KLHL1: variants seen among roughly 807,000 people sequenced by gnomAD.
KLHL1 encodes kelch-like protein 1.
A neutral mutation model predicts 77.7 loss-of-function variants in KLHL1; 47 were observed. That is an observed-to-expected ratio of 0.60 (90% CI 0.48 to 0.77). KLHL1 has a LOEUF of 0.77. Ranked by LOEUF, KLHL1 falls within the 30% of genes least tolerant of loss-of-function variation. The probability of loss-of-function intolerance (pLI) is 0.00; values close to 1 mark genes in which losing one functional copy is unlikely to be tolerated. For missense variants in KLHL1, 925 were observed against 910.8 expected (o/e 1.02, Z -0.20); for synonymous variants, 360 against 325.2 (o/e 1.11, Z -1.15).
intron 6 of KLHL1, among the ~76,000 whole-genome samples, chr13:69,837,612 CTCT>C (rs1879055998): frequency 7.1e-6 from 1 of 139,924 alleles, no homozygotes; most frequent in African/African-American, 2.8e-5. Flanking sequence ...ACATCTCTCT[CTCT>C]ATATATATGT....
chr13:70,036,257 C>A (rs1220469104), intron 1 of KLHL1, among the ~76,000 whole-genome samples: 1 of 151,750 alleles, frequency 6.6e-6, no homozygotes, highest in African/African-American at 2.4e-5. Flanking sequence ...TTATTATTCC[C>A]TCCCACTTTT....
At chr13:69,819,417 A>T (rs1404552701) in intron 6 of KLHL1, among the ~76,000 whole-genome samples, 1 of 152,186 alleles carries the variant, frequency 6.6e-6, no homozygotes, top group Admixed American at 6.5e-5. Flanking sequence ...CTTTTATTTT[A>T]TACTTAAGAA....
intron 6 of KLHL1, among the ~76,000 whole-genome samples, chr13:69,823,000 A>G (rs1196149336): frequency 1.3e-5 from 2 of 152,202 alleles, no homozygotes; most frequent in Non-Finnish European, 2.9e-5. Context: ...AACTGTTAAG[A>G]CGTCAAAAGT....
intron 7 of KLHL1, among the ~76,000 whole-genome samples, chr13:69,787,228 C>G (rs910965263): frequency 3.3e-5 from 5 of 152,144 alleles, no homozygotes; most frequent in Non-Finnish European, 7.4e-5. Context: ...AAGAACAAAG[C>G]TGGAGGCATC....
rs372375859 is a variant in KLHL1 at position 70,107,456 on chromosome 13, G to C, written c.244C>G (p.Pro82Ala). 81 of 1,613,968 alleles carry C rather than the reference G, an allele frequency of 5.0e-5. No homozygotes were observed. The highest frequency in any genetic ancestry group is 6.6e-5 in the Non-Finnish European group (78 of 1,179,978). The change falls in exon 1 of 11, where the codon CCG (proline) becomes GCG (alanine). Residue 82 changes from proline to alanine, a missense_variant. Transcript: ENST00000377844. ...PSSSSSSSSSPSSSSSSFNPL... is the reference protein window; with the variant it reads ...PSSSSSSSSSASSSSSSFNPL... ...TTGAAGGAAGAGGAGGAAGAGGACG[G>C]GGAGGACGATGAAGAGGAAGAGGAG...
chr13:69,782,219 C>T (rs1362889130), intron 7 of KLHL1, among the ~76,000 whole-genome samples: 1 of 152,220 alleles, frequency 6.6e-6, no homozygotes, highest in African/African-American at 2.4e-5. Flanking sequence ...CTCCGGTCTA[C>T]AGCTCCCAGC....
chr13:70,020,649 A>C (rs1326520822), intron 1 of KLHL1, among the ~76,000 whole-genome samples: 1 of 152,086 alleles, frequency 6.6e-6, no homozygotes, highest in Non-Finnish European at 1.5e-5. Flanking sequence ...CCCAGGGCAC[A>C]GATAACCCAG....
In KLHL1 at chr13:69,723,930, C is replaced by T. The variant is rs577494908; in HGVS notation, c.1803-4349G>A. 2.6e-4 allele frequency among the ~76,000 whole-genome samples: 39 copies of T among 151,460 alleles called. No homozygotes were observed. In the East Asian group the frequency reaches 3.5e-3, roughly 14 times the overall value. The stretch of plus-strand genomic sequence containing the variant: ...TTGGCTCACTACAACCTCTGCCTCC[C>T]GGGTTCAAGTGATTCTCCTGCCTCA... On this transcript the variant is annotated intron_variant, in intron 8 of 10. Transcript: ENST00000377844.
intron 4 of KLHL1, among the ~76,000 whole-genome samples, chr13:69,915,558 G>A (rs1400601751): frequency 6.6e-6 from 1 of 152,128 alleles, no homozygotes; most frequent in Non-Finnish European, 1.5e-5. Flanking sequence ...AGCTGAAACT[G>A]GATCCCTTCC....
intron 1 of KLHL1, among the ~76,000 whole-genome samples, chr13:70,028,891 C>A (rs2325266): frequency 0.23 from 35,066 of 151,292 alleles, 4,457 homozygotes; most frequent in African/African-American, 0.34. Context: ...GTGGGAGGAT[C>A]GCTTGAACCT....
chr13:70,018,870 G>A (rs1012926667), intron 1 of KLHL1, among the ~76,000 whole-genome samples: 1 of 152,126 alleles, frequency 6.6e-6, no homozygotes, highest in Admixed American at 6.5e-5. Context: ...GAAATGAAAC[G>A]TTATTGAAGC....
At chr13:69,884,934 C>CTTTT (rs377362177) in intron 4 of KLHL1, among the ~76,000 whole-genome samples, 2 of 133,598 alleles carry the variant, frequency 1.5e-5, no homozygotes, top group South Asian at 2.2e-4. Flanking sequence ...TTTTTCTTTT[C>CTTTT]TTTTTTTTTT....
intron 3 of KLHL1, among the ~76,000 whole-genome samples, chr13:69,960,635 A>T (rs148900510): frequency 6.6e-6 from 1 of 152,046 alleles, no homozygotes; most frequent in Non-Finnish European, 1.5e-5. Flanking sequence ...TGTGAGCTTC[A>T]TGAGGGCAAT....
chr13:70,011,630 T>A (rs1885535871), intron 1 of KLHL1, among the ~76,000 whole-genome samples: 1 of 152,204 alleles, frequency 6.6e-6, no homozygotes, highest in African/African-American at 2.4e-5. Flanking sequence ...TGAAAGTCAC[T>A]GTACTGAAAT....
chr13:69,723,681 C>A (rs951209833), intron 8 of KLHL1, among the ~76,000 whole-genome samples: 4 of 151,984 alleles, frequency 2.6e-5, no homozygotes, highest in African/African-American at 9.7e-5. Context: ...TCAACATAGA[C>A]CTTAAGTCTG....
chr13:69,914,484 A>G (rs1396001105), intron 4 of KLHL1, among the ~76,000 whole-genome samples: 3 of 152,176 alleles, frequency 2.0e-5, no homozygotes. Flanking sequence ...TTTTCTGCTA[A>G]GGCAACAAAA....
At chr13:69,924,354 G>A (rs1322276665) in intron 4 of KLHL1, among the ~76,000 whole-genome samples, 2 of 152,132 alleles carry the variant, frequency 1.3e-5, no homozygotes, top group African/African-American at 4.8e-5. Flanking sequence ...TGTCCATGAA[G>A]CAATCAGCAT....
chr13:69,898,747 C>T (rs78044826), intron 4 of KLHL1, among the ~76,000 whole-genome samples: 1 of 152,316 alleles, frequency 6.6e-6, no homozygotes, highest in East Asian at 1.9e-4. Context: ...ATACCTAGTG[C>T]CATTGCCTCT....
chr13:70,055,200 G>A (rs945647384), intron 1 of KLHL1, among the ~76,000 whole-genome samples: 9 of 152,060 alleles, frequency 5.9e-5, no homozygotes, highest in African/African-American at 2.2e-4. Context: ...ATAAAAAGGA[G>A]CTGCAATACA....
Sources: gnomAD v4.1 joint callset for allele counts (sites outside exome capture counted in the v4.1 genomes callset) on GRCh38, gnomAD v4.1.1 for gene constraint, MANE v1.5 for transcripts, NCBI Gene and HGNC (gene_info 2026-07-23, HGNC 2026-07-21) for gene names.